The following ANAPC1 variants were observed in gnomAD, a reference collection of about 807,000 sequenced individuals.
ANAPC1 encodes anaphase promoting complex subunit 1.
Under a neutral mutation model 208.0 loss-of-function variants are expected in ANAPC1, and 36 were observed. The observed-to-expected ratio is 0.17, with a 90% CI of 0.13 to 0.23. The LOEUF (loss-of-function observed/expected upper bound fraction) is 0.23, where lower values mean the gene tolerates loss of function less well. Among genes scored for constraint, ANAPC1 ranks in the 10% least tolerant of loss-of-function variants. The pLI is 1.00. For missense variants in ANAPC1, 942 were observed against 2,011.6 expected (o/e 0.47, Z 10.17); for synonymous variants, 378 against 695.2 (o/e 0.54, Z 7.18).
Position 111,880,731 on chromosome 2 carries a change from G to C in ANAPC1, c.95C>G (p.Pro32Arg), listed in dbSNP as rs1176342010. ...GCGAAGTTGAAGGTTCAAAGCATTAGGGTGGTGCTTGCAGTGGTCTCGACC... is the reference window on the plus strand; with the variant it reads ...GCGAAGTTGAAGGTTCAAAGCATTACGGTGGTGCTTGCAGTGGTCTCGACC... Reference protein sequence around the residue: ...PFGRDHCKHHPNALNLQLRQL... With the variant: ...PFGRDHCKHHRNALNLQLRQL... Residue 32 changes from proline to arginine, a missense_variant, in exon 2 of 48, where the codon CCT (proline) becomes CGT (arginine). Physicochemically the swap from Pro to Arg is moderately radical, Grantham distance 103. Coordinates refer to ENST00000341068, the MANE Select transcript of ANAPC1 (RefSeq NM_022662.4). 6.2e-7 allele frequency: 1 copy of C among 1,613,908 alleles called. No homozygotes were observed.
intron 9 of ANAPC1, among the ~76,000 whole-genome samples, 158 bp downstream of exon 9, chr2:111,863,511 CAAAAAA>C (rs372062409): frequency 3.3e-5 from 4 of 122,562 alleles, no homozygotes; most frequent in Non-Finnish European, 5.0e-5. Flanking sequence ...GACTCCGTCT[CAAAAAA>C]AAAAAAAAAA....
In ANAPC1 at chr2:111,800,445, T is replaced by A. The variant is rs1346682493; in HGVS notation, c.4296+352A>T. On this transcript the variant is annotated intron_variant, in intron 34 of 47. Coordinates refer to ENST00000341068, the MANE Select transcript of ANAPC1 (RefSeq NM_022662.4). Reference sequence around the variant, plus strand: ...TAGGAGATCTAAAATTGTCACGAAGTAAAATAGCATCTTAGAAATGTGCAC... The same window carrying A: ...TAGGAGATCTAAAATTGTCACGAAGAAAAATAGCATCTTAGAAATGTGCAC... Among the ~76,000 whole-genome samples the A allele has an allele frequency of 1.5e-5, 2 of 134,446 alleles. 1 individual carries two copies. The highest frequency in any genetic ancestry group is 3.2e-5 in the Non-Finnish European group (2 of 62,102). 88.2% of individuals were successfully genotyped at this position (134,446 alleles called of 152,430 possible).
At chr2:111,770,706 C>A (rs1676689936) in intron 47 of ANAPC1, among the ~76,000 whole-genome samples, 1 of 130,340 alleles carries the variant, frequency 7.7e-6, no homozygotes, top group Non-Finnish European at 1.6e-5. Flanking sequence ...TTCAAATAAT[C>A]CAGTACTGAG....
At chr2:111,874,074 C>A (rs1682902022) in intron 3 of ANAPC1, among the ~76,000 whole-genome samples, 1 of 152,098 alleles carries the variant, frequency 6.6e-6, no homozygotes. Context: ...CCAGATTAAA[C>A]AACTGATCTT....
intron 32 of ANAPC1, 37 bp from the exon 33 acceptor site, chr2:111,802,543 A>G (rs1678495552): frequency 1.7e-6 from 1 of 577,358 alleles, no homozygotes; most frequent in East Asian, 3.3e-5. Context: ...ACACTGTTCA[A>G]GTAGAGGGCA....
chr2:111,847,181 G>T lies in ANAPC1; in HGVS notation c.1809C>A (p.Ser603=). The change falls in exon 16 of 48, where the codon TCC becomes TCA. Residue 603 remains serine, a synonymous_variant. Coordinates refer to ENST00000341068, the MANE Select transcript of ANAPC1 (RefSeq NM_022662.4). ...TTTCAGGAATAGTGATCCTAACCAT[G>T]GAGCCATTACTCAGTTCCTAGATGG... ...NRVTLELSNG[S]MVRITIPEIA... 1 of 1,610,528 alleles carries T rather than the reference G, an allele frequency of 6.2e-7. No homozygotes were observed. Among genetic ancestry groups the T allele is most frequent in the Non-Finnish European group, 8.5e-7 (1 of 1,179,086 alleles).
In ANAPC1 at chr2:111,768,233, T is replaced by C. The variant is rs925917225; in HGVS notation, c.*1058A>G. On this transcript the variant is annotated 3_prime_UTR_variant, in exon 48 of 48. Transcript: ENST00000341068. The stretch of plus-strand genomic sequence containing the variant: ...GGTGCCTTTATATGAACATTTTTCA[T>C]CATCATCTAGTCCAGAAATCCCTCC... 2.0e-5 allele frequency: 3 copies of C among 152,258 alleles called. No homozygotes were observed. The highest frequency in any genetic ancestry group is 7.2e-5 in the African/African-American group (3 of 41,462). 9.4% of individuals were successfully genotyped at this position (152,258 alleles called of 1,614,324 possible).
intron 26 of ANAPC1, among the ~76,000 whole-genome samples, chr2:111,819,899 A>G (rs1376316900): frequency 6.6e-6 from 1 of 152,230 alleles, no homozygotes; most frequent in Non-Finnish European, 1.5e-5. Context: ...ACACAACCGC[A>G]ACATTAATTT....
chr2:111,845,537 G>A (rs867567089), intron 16 of ANAPC1, among the ~76,000 whole-genome samples: 6 of 152,188 alleles, frequency 3.9e-5, no homozygotes, highest in Non-Finnish European at 1.5e-5. Flanking sequence ...ATAAACTTAT[G>A]TGCATAAACT....
chr2:111,883,830 G>C (rs184471527), intron 1 of ANAPC1, 112 bp downstream of exon 1: 2 of 152,364 alleles, frequency 1.3e-5, no homozygotes, highest in Admixed American at 6.5e-5. Flanking sequence ...CGGGTTCCCA[G>C]TACCCCGGGT....
intron 39 of ANAPC1, among the ~76,000 whole-genome samples, chr2:111,787,611 T>A (rs980668233): frequency 1.3e-5 from 2 of 152,198 alleles, no homozygotes; most frequent in Admixed American, 1.3e-4. Flanking sequence ...TGCCCCCATA[T>A]GCAAGAGATC....
In ANAPC1 at chr2:111,770,225, A is replaced by ATATCTT. The variant is rs1676662563; in HGVS notation, c.5720-820_5720-819insAAGATA. Among the ~76,000 whole-genome samples the ATATCTT allele has an allele frequency of 2.8e-5, 3 of 106,478 alleles. No homozygotes were observed. In the Admixed American group the frequency reaches 2.8e-4, roughly 10 times the overall value. The allele number at this position is 106,478 out of a possible 152,430, so 69.9% of individuals were successfully genotyped here. A position where few individuals can be genotyped will look rare whatever the true frequency, so the allele number is the denominator to read the frequency against. On this transcript the variant is annotated intron_variant, in intron 47 of 47. Transcript: ENST00000341068. ...TTTATATATATATATATATATATAT[A>ATATCTT]TATAAATTCTTTAAATATAATGTGC...
chr2:111,870,878 T>G (rs1380345666), intron 6 of ANAPC1, among the ~76,000 whole-genome samples: 3 of 151,936 alleles, frequency 2.0e-5, no homozygotes, highest in African/African-American at 7.3e-5. Context: ...AGGTGAGAGA[T>G]AAAAAAAACC....
At chr2:111,788,954 C>A (rs542959507) in intron 38 of ANAPC1, among the ~76,000 whole-genome samples, 1 of 152,112 alleles carries the variant, frequency 6.6e-6, no homozygotes, top group Non-Finnish European at 1.5e-5. Flanking sequence ...CTGGCTAACA[C>A]GGTGAAACCC....
At position 111,825,153 on chromosome 2, in the gene ANAPC1, G is replaced by C. The variant is rs1679764340; in HGVS notation, c.2719C>G (p.Gln907Glu). 6.2e-7 allele frequency: 1 copy of C among 1,613,358 alleles called. No homozygotes were observed. Among genetic ancestry groups the C allele is most frequent in the Admixed American group, 1.7e-5 (1 of 59,918 alleles). Residue 907 changes from glutamine (Q) to glutamate (E), a missense_variant, in exon 23 of 48, where the codon CAA becomes GAA. Gln to Glu is a conservative substitution (Grantham distance 29, BLOSUM62 2). Transcript: ENST00000341068. ...TRITIAPQKL[Q>E]VEQEENRFSF... is the part of the protein sequence containing the mutation. ...CACCTGTTTTCCTCTTGTTCTACTT[G>C]CAACTTCTGGGGGGCTAAAAGGCAA...
At chr2:111,826,675 T>TTTTTA (rs1558696258) in intron 21 of ANAPC1, among the ~76,000 whole-genome samples, 1 of 149,384 alleles carries the variant, frequency 6.7e-6, no homozygotes, top group Non-Finnish European at 1.5e-5. Flanking sequence ...ATTTTTTTTT[T>TTTTTA]TTTTGAGACG....
intron 16 of ANAPC1, among the ~76,000 whole-genome samples, chr2:111,846,637 T>G (rs1356670871): frequency 7.4e-6 from 1 of 134,628 alleles, no homozygotes; most frequent in Non-Finnish European, 1.5e-5. Context: ...TGGCACGATC[T>G]CCACTCACTG....
intron 18 of ANAPC1, among the ~76,000 whole-genome samples, chr2:111,836,828 C>T (rs1462791169): frequency 6.6e-6 from 1 of 151,794 alleles, no homozygotes; most frequent in Non-Finnish European, 1.5e-5. Context: ...ATTAGCCAGG[C>T]ATGGTGGCAC....
intron 11 of ANAPC1, among the ~76,000 whole-genome samples, chr2:111,857,995 T>C (rs370200641): frequency 6.6e-6 from 1 of 151,230 alleles, no homozygotes; most frequent in African/African-American, 2.4e-5. Flanking sequence ...TCCAGAAAAA[T>C]TAATCTATAA....
Sources: gnomAD v4.1 joint callset for allele counts (sites outside exome capture counted in the v4.1 genomes callset) on GRCh38, gnomAD v4.1.1 for gene constraint, MANE v1.5 for transcripts, NCBI Gene and HGNC (gene_info 2026-07-23, HGNC 2026-07-21) for gene names.